AGBL2: variants seen among roughly 807,000 people sequenced by gnomAD.
AGBL2 encodes AGBL carboxypeptidase 2.
Under a neutral mutation model 103.0 loss-of-function variants are expected in AGBL2, and 87 were observed. The ratio of observed to expected loss-of-function variants is 0.84; its 90% CI spans 0.71 to 1.01. The LOEUF is 1.01. AGBL2 is among the 50% of genes least tolerant of loss of function. The pLI is 0.00. For missense variants in AGBL2, 904 were observed against 1,023.5 expected (o/e 0.88, Z 1.59); for synonymous variants, 335 against 356.7 (o/e 0.94, Z 0.69).
At chr11:47,707,024 T>TAA (rs61459888) in intron 4 of AGBL2, among the ~76,000 whole-genome samples, 2,399 of 111,564 alleles carry the variant, frequency 0.022, 53 homozygotes, top group African/African-American at 0.049. Context: ...CTGTCTCTAC[T>TAA]AAAAAAAAAA....
intron 4 of AGBL2, 91 bp downstream of exon 4, chr11:47,710,286 C>G: frequency 6.5e-7 from 1 of 1,529,226 alleles, no homozygotes; most frequent in African/African-American, 1.4e-5. Context: ...GCTCCCTGGC[C>G]TCTCCCATGT....
At position 47,704,647 on chromosome 11, in the gene AGBL2, C is replaced by T. The variant is rs1328359544; in HGVS notation, c.482G>A (p.Arg161Gln). Residue 161 changes from arginine to glutamine, a missense_variant, in exon 7 of 19, where the codon CGA becomes CAA. Arg to Gln is a conservative substitution (Grantham distance 43). Coordinates refer to ENST00000525123, the MANE Select transcript of AGBL2 (RefSeq NM_024783.4). ...DELDEVNPRL[R>Q]EPQELFSILS... is the part of the protein sequence containing the mutation. ...AATGGAAAAGAGCTCTTGGGGTTCT[C>T]GAAGACGTGGGTTTACTTCATCCAA... 4 of 1,613,870 alleles carry T rather than the reference C, an allele frequency of 2.5e-6. No individual in the cohort carries two copies. Among genetic ancestry groups the T allele is most frequent in the Non-Finnish European group, 3.4e-6 (4 of 1,179,996 alleles).
intron 7 of AGBL2, 47 bp downstream of exon 7, chr11:47,704,496 A>G (rs777285377): frequency 5.4e-6 from 8 of 1,488,768 alleles, no homozygotes; most frequent in Non-Finnish European, 7.2e-6. Context: ...AAAAAAAAAA[A>G]AAAAGTCAGG....
chr11:47,713,320 G>C (rs913772412), intron 3 of AGBL2, among the ~76,000 whole-genome samples: 11 of 148,986 alleles, frequency 7.4e-5, no homozygotes, highest in Non-Finnish European at 7.4e-5. Context: ...TTTCAGCCTG[G>C]GTGAAAAGAG....
chr11:47,708,131 A>C (rs577559302), intron 4 of AGBL2, among the ~76,000 whole-genome samples: 1 of 151,734 alleles, frequency 6.6e-6, no homozygotes, highest in South Asian at 2.1e-4. Flanking sequence ...GCAGTGGTGC[A>C]ATTTCCTCTC....
intron 3 of AGBL2, 126 bp downstream of exon 3, chr11:47,714,157 AG>A: frequency 1.4e-6 from 1 of 697,390 alleles, no homozygotes; most frequent in South Asian, 1.8e-5. Context: ...CTAATGGTAG[AG>A]GAAAAAGTAT....
intron 9 of AGBL2, among the ~76,000 whole-genome samples, chr11:47,691,729 A>AAAAAAAAAAAAAAAAAAAAATAT: frequency 2.1e-4 from 1 of 4,856 alleles, no homozygotes. Context: ...AAAAAAAAAA[A>AAAAAAAAAAAAAAAAAAAAATAT]ATATATATAT....
Position 47,703,925 on chromosome 11 carries a change from C to CAA in AGBL2, c.586+616_586+617dup, listed in dbSNP as rs372708144. Among the ~76,000 whole-genome samples, 196 of 85,178 alleles carry CAA rather than the reference C, an allele frequency of 2.3e-3. 1 individual carries two copies. Among genetic ancestry groups the CAA allele is most frequent in the African/African-American group, 4.0e-3 (75 of 18,718 alleles). 55.9% of individuals were successfully genotyped at this position (85,178 alleles called of 152,430 possible). Reference sequence around the variant, plus strand: ...GGGCAACAAGAGCGAAAGTCAGTCTCAAAAAAAAAAAAAAACAAAAAAAAA... The same window carrying CAA: ...GGGCAACAAGAGCGAAAGTCAGTCTCAAAAAAAAAAAAAAAAACAAAAAAAAA... On this transcript the variant is annotated intron_variant, in intron 7 of 18. Coordinates refer to ENST00000525123, the MANE Select transcript of AGBL2 (RefSeq NM_024783.4).
chr11:47,699,273 C>T (rs569569331), intron 8 of AGBL2, among the ~76,000 whole-genome samples, 173 bp downstream of exon 8: 47 of 152,192 alleles, frequency 3.1e-4, no homozygotes, highest in African/African-American at 7.2e-4. Flanking sequence ...AGAAAATTAT[C>T]GAAATTTTGC....
At chr11:47,686,452 T>G (rs1036229514) in intron 10 of AGBL2, among the ~76,000 whole-genome samples, 7 of 147,478 alleles carry the variant, frequency 4.7e-5, no homozygotes, top group East Asian at 2.0e-4. Flanking sequence ...TTCTGGTTTT[T>G]TTTTTTTTTT....
At chr11:47,688,078 G>A (rs60793725) in intron 10 of AGBL2, among the ~76,000 whole-genome samples, 17,131 of 152,068 alleles carry the variant, frequency 0.11, 1,122 homozygotes, top group Non-Finnish European at 0.15. Flanking sequence ...AAAGTGCTGG[G>A]ATTACAGACA....
At chr11:47,667,101 C>G (rs2097343289) in intron 16 of AGBL2, 38 bp from the exon 17 acceptor site, 1 of 1,412,466 alleles carries the variant, frequency 7.1e-7, no homozygotes, top group East Asian at 2.3e-5. Flanking sequence ...TTCAATTGAT[C>G]TATTCAAAAT....
At chr11:47,711,578 A>G (rs1009347430) in intron 3 of AGBL2, among the ~76,000 whole-genome samples, 1 of 152,124 alleles carries the variant, frequency 6.6e-6, no homozygotes, top group African/African-American at 2.4e-5. Context: ...AACTTCAACA[A>G]TCTGGAGTGC....
intron 4 of AGBL2, among the ~76,000 whole-genome samples, chr11:47,707,167 C>A (rs987359231): frequency 6.6e-6 from 1 of 152,100 alleles, no homozygotes; most frequent in African/African-American, 2.4e-5. Flanking sequence ...CCTTTCTACT[C>A]CCTGCCAGGA....
rs74976128 is a variant in AGBL2 at position 47,672,655 on chromosome 11, G to C, written c.2148-3748C>G. ...AGGGTGTATTTGGAGAGGGGTTGGT[G>C]CAGAGGTCTTGGTGAGTTAGGCATA... is the stretch of plus-strand genomic sequence containing the variant. On this transcript the variant is annotated intron_variant, in intron 14 of 18. Coordinates refer to ENST00000525123, the MANE Select transcript of AGBL2 (RefSeq NM_024783.4). Among the ~76,000 whole-genome samples the C allele has an allele frequency of 4.4e-4, 67 of 152,242 alleles. No homozygotes were observed. In the East Asian group the frequency reaches 7.9e-3, roughly 18 times the overall value.
Position 47,659,924 on chromosome 11 carries a change from A to G in AGBL2, c.*249T>C, listed in dbSNP as rs1390579762. 2.7e-6 allele frequency: 1 copy of G among 364,418 alleles called. No homozygotes were observed. Among genetic ancestry groups the G allele is most frequent in the Non-Finnish European group, 4.9e-6 (1 of 204,450 alleles). 22.6% of individuals were successfully genotyped at this position (364,418 alleles called of 1,614,324 possible). ...GAAGTGTGCCATGAGAACACACTTC[A>G]GTTTCTGATAAAGCATTTTTACACA... On this transcript the variant is annotated 3_prime_UTR_variant, in exon 19 of 19. Transcript: ENST00000525123.
At chr11:47,685,801 G>T in intron 11 of AGBL2, 92 bp downstream of exon 11, 1 of 1,297,644 alleles carries the variant, frequency 7.7e-7, no homozygotes, top group Non-Finnish European at 1.1e-6. Flanking sequence ...AATAAAAAGA[G>T]ATACAAAATG....
At chr11:47,687,587 T>C (rs1400608977) in intron 10 of AGBL2, among the ~76,000 whole-genome samples, 1 of 151,728 alleles carries the variant, frequency 6.6e-6, no homozygotes, top group Non-Finnish European at 1.5e-5. Context: ...CCCCTACACT[T>C]ATTCTCTCTC....
At chr11:47,674,690 C>T (rs1041525588) in intron 14 of AGBL2, among the ~76,000 whole-genome samples, 1 of 151,724 alleles carries the variant, frequency 6.6e-6, no homozygotes, top group Non-Finnish European at 1.5e-5. Flanking sequence ...TACTGAAGTG[C>T]TTTCAACAGA....
Sources: allele counts gnomAD v4.1 joint callset (sites outside exome capture counted in the v4.1 genomes callset), GRCh38; gene constraint gnomAD v4.1.1; transcripts MANE v1.5; gene names NCBI Gene and HGNC (gene_info 2026-07-23, HGNC 2026-07-21).